The following CFH variants were observed in gnomAD, a reference collection of about 807,000 sequenced individuals.
CFH encodes the protein complement factor H.
Under a neutral mutation model 147.3 loss-of-function variants are expected in CFH, and 53 were observed. That is an observed-to-expected ratio of 0.36 (90% CI 0.29 to 0.45). The LOEUF is 0.45. CFH is among the 20% of genes least tolerant of loss of function. The pLI, the probability that CFH is intolerant of heterozygous loss-of-function variation, is 1.00. For synonymous variants in CFH, 536 were observed against 489.4 expected (o/e 1.10, Z -1.26); for missense variants, 1,380 against 1,498.0 (o/e 0.92, Z 1.30).
Position 196,728,343 on chromosome 1 carries a change from T to C in CFH, c.2237-3T>C, listed in dbSNP as rs1188745322. ...TTTTCATAAAAATATATTTATTTTATAGCAATAGATAAACTTAAGAAGTGC... is the reference window on the plus strand; with the variant it reads ...TTTTCATAAAAATATATTTATTTTACAGCAATAGATAAACTTAAGAAGTGC... On this transcript the variant is annotated splice_polypyrimidine_tract_variant and splice_region_variant and intron_variant, in intron 14 of 21. Coordinates refer to ENST00000367429, the MANE Select transcript of CFH (RefSeq NM_000186.4). The C allele has an allele frequency of 1.4e-6, 2 of 1,408,800 alleles. No homozygotes were observed. Among genetic ancestry groups the C allele is most frequent in the Non-Finnish European group, 9.6e-7 (1 of 1,041,848 alleles). 87.3% of individuals were successfully genotyped at this position (1,408,800 alleles called of 1,614,324 possible). A position where few individuals can be genotyped will look rare whatever the true frequency, so the allele number is the denominator to read the frequency against.
At chr1:196,735,396 A>G (rs1274247535) in intron 15 of CFH, among the ~76,000 whole-genome samples, 2 of 152,146 alleles carry the variant, frequency 1.3e-5, no homozygotes, top group African/African-American at 4.8e-5. Flanking sequence ...AAATATGCAT[A>G]CACACTAAAT....
At chr1:196,719,090 A>C (rs1464165646) in intron 11 of CFH, among the ~76,000 whole-genome samples, 1 of 152,028 alleles carries the variant, frequency 6.6e-6, no homozygotes, top group Non-Finnish European at 1.5e-5. Flanking sequence ...AGAGTTAAAA[A>C]TTCATATTAA....
At chr1:196,704,418 T>C (rs900981865) in intron 9 of CFH, among the ~76,000 whole-genome samples, 4 of 152,186 alleles carry the variant, frequency 2.6e-5, no homozygotes, top group African/African-American at 9.7e-5. Flanking sequence ...GGCAGTACTC[T>C]TAACCAAACT....
At chr1:196,684,514 CCTT>C (rs1667758244) in intron 6 of CFH, among the ~76,000 whole-genome samples, 1 of 151,748 alleles carries the variant, frequency 6.6e-6, no homozygotes, top group South Asian at 2.1e-4. Flanking sequence ...TTTTTCATGT[CCTT>C]CTTTAATCGC....
chr1:196,705,066 C>T (rs776540698), intron 9 of CFH, among the ~76,000 whole-genome samples: 1 of 152,142 alleles, frequency 6.6e-6, no homozygotes, highest in Admixed American at 6.5e-5. Flanking sequence ...ACTCACTAAC[C>T]GTCCGGGGGA....
chr1:196,710,375 T>C lies in CFH; in HGVS notation c.1337-3360T>C, dbSNP rs188516999. Among the ~76,000 whole-genome samples the C allele has an allele frequency of 3.3e-5, 5 of 152,292 alleles. No homozygotes were observed. In the East Asian group the frequency reaches 9.7e-4, roughly 29 times the overall value. Reference sequence around the variant, plus strand: ...TGGGCATGTGAACCTGATAGTCTTATAACAAAATAGAATAGAAGCTATTTA... The same window carrying C: ...TGGGCATGTGAACCTGATAGTCTTACAACAAAATAGAATAGAAGCTATTTA... On this transcript the variant is annotated intron_variant, in intron 9 of 21. Coordinates refer to ENST00000367429, the MANE Select transcript of CFH (RefSeq NM_000186.4).
chr1:196,692,531 T>A (rs1668065147), intron 9 of CFH: 1 of 157,500 alleles, frequency 6.3e-6, no homozygotes, highest in Non-Finnish European at 1.3e-5. Context: ...CCTTCCTTTT[T>A]CTTTCTTTCT....
intron 2 of CFH, 126 bp downstream of exon 2, chr1:196,673,289 C>A (rs564434074): frequency 1.4e-5 from 12 of 856,346 alleles, no homozygotes; most frequent in Middle Eastern, 3.7e-4. Context: ...AATACATAAT[C>A]TTTTTTTTTT....
chr1:196,699,606 G>A (rs1668391601), intron 9 of CFH, among the ~76,000 whole-genome samples: 1 of 152,040 alleles, frequency 6.6e-6, no homozygotes, highest in African/African-American at 2.4e-5. Flanking sequence ...CCTAAACCAA[G>A]GCCATATACA....
chr1:196,688,531 A>G (rs1667904912), intron 7 of CFH, among the ~76,000 whole-genome samples: 1 of 152,126 alleles, frequency 6.6e-6, no homozygotes, highest in Admixed American at 6.6e-5. Context: ...TCTGCGCGGT[A>G]TCATCAAAGA....
intron 12 of CFH, 31 bp from the exon 13 acceptor site, chr1:196,726,439 A>C (rs775441086): frequency 6.6e-7 from 1 of 1,511,962 alleles, no homozygotes; most frequent in South Asian, 1.1e-5. Context: ...CAGACAATTT[A>C]ACCATTATTT....
At chr1:196,703,780 C>T (rs1002978573) in intron 9 of CFH, among the ~76,000 whole-genome samples, 7 of 151,862 alleles carry the variant, frequency 4.6e-5, no homozygotes, top group East Asian at 2.0e-4. Context: ...GTCAGGAGAT[C>T]GAGACCATCC....
intron 11 of CFH, among the ~76,000 whole-genome samples, chr1:196,724,706 G>A (rs1390579666): frequency 6.6e-6 from 1 of 152,116 alleles, no homozygotes. Context: ...TTTCTGAGGA[G>A]AACTTGTGTC....
intron 1 of CFH, among the ~76,000 whole-genome samples, chr1:196,653,762 G>A (rs1417811885): frequency 6.6e-6 from 1 of 151,958 alleles, no homozygotes; most frequent in Non-Finnish European, 1.5e-5. Flanking sequence ...TTTCATCAAT[G>A]TGTGTTTAAA....
intron 14 of CFH, among the ~76,000 whole-genome samples, chr1:196,727,156 G>A (rs1196050582): frequency 1.3e-5 from 2 of 152,054 alleles, no homozygotes; most frequent in Non-Finnish European, 2.9e-5. Context: ...TTCTGCGTCT[G>A]ATAACAGTAT....
chr1:196,690,314 T>C, intron 9 of CFH, 75 bp downstream of exon 9: 1 of 1,596,510 alleles, frequency 6.3e-7, no homozygotes, highest in South Asian at 1.1e-5. Context: ...AAGACTCATC[T>C]ATATTAATTG....
intron 1 of CFH, among the ~76,000 whole-genome samples, chr1:196,661,414 C>T (rs571086816): frequency 1.3e-5 from 2 of 152,288 alleles, no homozygotes; most frequent in Admixed American, 6.5e-5. Context: ...TTATAAACAA[C>T]AGGAATGTAT....
At chr1:196,671,341 T>C (rs1667269433) in intron 1 of CFH, among the ~76,000 whole-genome samples, 3 of 152,070 alleles carry the variant, frequency 2.0e-5, no homozygotes, top group Non-Finnish European at 4.4e-5. Context: ...TTTGTGTATC[T>C]TTTAATTTTT....
rs1205328020 is a variant in CFH, at chr1:196,714,668, T to TAGAGAG, written c.1519+797_1519+802dup. On this transcript the variant is annotated intron_variant, in intron 10 of 21. Transcript: ENST00000367429. ...ATATATATATATATATATATATATA[T>TAGAGAG]AGAGAGAGAGAGAGAGAGAGAGAGA... is the stretch of plus-strand genomic sequence containing the variant. Among the ~76,000 whole-genome samples the TAGAGAG allele has an allele frequency of 2.4e-3, 52 of 21,310 alleles. 2 individuals are homozygous for TAGAGAG. The highest frequency in any genetic ancestry group is 3.3e-3 in the Non-Finnish European group (39 of 11,842). The allele number at this position is 21,310 out of a possible 152,430, so 14.0% of individuals were successfully genotyped here.
Sources: gnomAD v4.1 joint callset for allele counts (sites outside exome capture counted in the v4.1 genomes callset) on GRCh38, gnomAD v4.1.1 for gene constraint, MANE v1.5 for transcripts, NCBI Gene and HGNC (gene_info 2026-07-23, HGNC 2026-07-21) for gene names.